SAMD12: variants seen among roughly 807,000 people sequenced by gnomAD.
SAMD12 encodes sterile alpha motif domain containing 12.
SAMD12 carries 9 observed loss-of-function variants against 15.0 expected under a neutral mutation model. The ratio of observed to expected loss-of-function variants is 0.60; its 90% confidence interval spans 0.36 to 1.05. The LOEUF (loss-of-function observed/expected upper bound fraction) is 1.05. Ranked by LOEUF, SAMD12 falls within the 50% of genes least tolerant of loss-of-function variation. The pLI, the probability that SAMD12 is intolerant of heterozygous loss-of-function variation, is 0.01. For missense variants in SAMD12, 230 were observed against 234.2 expected (o/e 0.98, Z 0.12); for synonymous variants, 86 against 90.1 (o/e 0.96, Z 0.25).
intron 1 of SAMD12, among the ~76,000 whole-genome samples, chr8:118,600,402 C>G (rs1827830000): frequency 6.6e-6 from 1 of 152,012 alleles, no homozygotes; most frequent in South Asian, 2.1e-4. Flanking sequence ...TCACTTAGAT[C>G]AGGGGTTGGC....
intron 2 of SAMD12, among the ~76,000 whole-genome samples, chr8:118,496,880 A>C (rs1009603083): frequency 5.1e-4 from 78 of 151,876 alleles, no homozygotes; most frequent in Admixed American, 2.0e-4. Flanking sequence ...CCAAAAAAAA[A>C]CCCAAATGAC....
chr8:118,284,207 C>A, intron 4 of SAMD12: 1 of 444,542 alleles, frequency 2.2e-6, no homozygotes, highest in Admixed American at 2.5e-5. Flanking sequence ...ATGAAGAAAG[C>A]TCCAGGTTTC....
At chr8:118,173,124 T>A in the SAMD12 span, among the ~76,000 whole-genome samples, 1 of 152,222 alleles carries the variant, frequency 6.6e-6, no homozygotes, top group Admixed American at 6.5e-5. Context: ...GTTGGACAAG[T>A]GGTACAGTAT....
intron 2 of SAMD12, among the ~76,000 whole-genome samples, chr8:118,484,335 T>A (rs1406166662): frequency 6.6e-6 from 1 of 152,200 alleles, no homozygotes. Flanking sequence ...GTAGGATGAG[T>A]AAGTCTTAGA....
chr8:118,165,400 A>T, the SAMD12 span, among the ~76,000 whole-genome samples: 6 of 151,708 alleles, frequency 4.0e-5, no homozygotes, highest in Admixed American at 1.3e-4. Flanking sequence ...CACCTTCCAC[A>T]TGTTCAGCAA....
At chr8:118,619,636 T>G (rs1010444679) in intron 1 of SAMD12, among the ~76,000 whole-genome samples, 3 of 152,130 alleles carry the variant, frequency 2.0e-5, no homozygotes, top group African/African-American at 7.2e-5. Context: ...ATTGAGTACC[T>G]ATTATGGGCA....
intron 4 of SAMD12, among the ~76,000 whole-genome samples, chr8:118,260,394 A>G (rs1284736044): frequency 6.6e-6 from 1 of 152,118 alleles, no homozygotes; most frequent in Non-Finnish European, 1.5e-5. Context: ...TTATGTTATT[A>G]TGTTATTTTG....
At chr8:118,167,083 T>A in the SAMD12 span, among the ~76,000 whole-genome samples, 1 of 152,198 alleles carries the variant, frequency 6.6e-6, no homozygotes, top group African/African-American at 2.4e-5. Context: ...CCTGTAATCT[T>A]CTATGATGAG....
intron 2 of SAMD12, among the ~76,000 whole-genome samples, chr8:118,575,299 T>A (rs77404027): frequency 0.012 from 1,892 of 152,340 alleles, 49 homozygotes; most frequent in African/African-American, 0.041. Context: ...TTATTCACTG[T>A]TTTAGATGTT....
At chr8:118,337,202 G>A (rs75302822) in intron 4 of SAMD12, among the ~76,000 whole-genome samples, 4,579 of 151,264 alleles carry the variant, frequency 0.03, 231 homozygotes, top group African/African-American at 0.1. Context: ...AAAAAAAAAA[G>A]AGAAATTTTC....
At chr8:118,449,708 G>A (rs998052450) in intron 2 of SAMD12, among the ~76,000 whole-genome samples, 16 of 149,786 alleles carry the variant, frequency 1.1e-4, no homozygotes, top group Non-Finnish European at 1.9e-4. Context: ...AGCTGAGGCA[G>A]GAGAATGGCG....
intron 2 of SAMD12, among the ~76,000 whole-genome samples, chr8:118,457,948 C>T (rs1823308166): frequency 6.6e-6 from 1 of 152,116 alleles, no homozygotes; most frequent in Non-Finnish European, 1.5e-5. Context: ...TCATTCAGGA[C>T]CATAAATAGA....
At chr8:118,158,366 G>T in the SAMD12 span, among the ~76,000 whole-genome samples, 65 of 152,348 alleles carry the variant, frequency 4.3e-4, no homozygotes, top group South Asian at 8.3e-3. Context: ...CTGCTGCAAA[G>T]ACACCAGCTG....
chr8:118,232,395 G>A (rs976219385), intron 4 of SAMD12, among the ~76,000 whole-genome samples: 14 of 152,144 alleles, frequency 9.2e-5, no homozygotes, highest in African/African-American at 3.1e-4. Flanking sequence ...CAGAAGTAAA[G>A]CCCAGGGCAA....
chr8:118,290,490 G>A (rs546115957), intron 4 of SAMD12, among the ~76,000 whole-genome samples: 11 of 152,068 alleles, frequency 7.2e-5, no homozygotes, highest in South Asian at 2.1e-4. Flanking sequence ...GGGTCTCCTC[G>A]CACTATTTTT....
intron 2 of SAMD12, among the ~76,000 whole-genome samples, chr8:118,496,241 C>T (rs1824604159): frequency 1.3e-5 from 2 of 151,896 alleles, no homozygotes; most frequent in African/African-American, 2.4e-5. Flanking sequence ...AAATAATAAC[C>T]CATAATGGCC....
chr8:118,187,531 A>G (rs1230947584), downstream of SAMD12, among the ~76,000 whole-genome samples: 2 of 152,206 alleles, frequency 1.3e-5, no homozygotes, highest in Non-Finnish European at 1.5e-5. Context: ...AAGAGATTTT[A>G]TAAGATTCTG....
chr8:118,586,433 C>T (rs908334632), intron 1 of SAMD12, among the ~76,000 whole-genome samples: 12 of 150,866 alleles, frequency 8.0e-5, no homozygotes, highest in African/African-American at 2.7e-4. Flanking sequence ...GTCTCAACCT[C>T]GCAGGCTCAA....
At chr8:118,512,607 AGCATG>A (rs1182030831) in intron 2 of SAMD12, among the ~76,000 whole-genome samples, 1 of 152,220 alleles carries the variant, frequency 6.6e-6, no homozygotes, top group Non-Finnish European at 1.5e-5. Flanking sequence ...TTAAATCCTT[AGCATG>A]GCATTCTGAG....
Sources: gnomAD v4.1 joint callset for allele counts (sites outside exome capture counted in the v4.1 genomes callset) on GRCh38, gnomAD v4.1.1 for gene constraint, MANE v1.5 for transcripts, NCBI Gene and HGNC (gene_info 2026-07-23, HGNC 2026-07-21) for gene names.